Variants in RGS6 observed in about 807,000 individuals in gnomAD.
RGS6 encodes the protein regulator of G-protein signaling 6.
In RGS6, 30 loss-of-function variants were observed where a neutral mutation model predicts 78.5. The observed-to-expected ratio is 0.38, with a 90% CI of 0.29 to 0.52. The LOEUF is 0.52. RGS6 is among the 20% of genes least tolerant of loss of function. The pLI is 0.85. For synonymous variants in RGS6, 206 were observed against 206.0 expected (o/e 1.00, Z 0.00); for missense variants, 495 against 609.7 (o/e 0.81, Z 1.98).
intron 2 of RGS6, among the ~76,000 whole-genome samples, chr14:72,013,124 A>T (rs1260620455): frequency 6.6e-6 from 1 of 151,968 alleles, no homozygotes; most frequent in East Asian, 1.9e-4. Context: ...TACAAAAATT[A>T]GCTGGGTGTG....
intron 2 of RGS6, among the ~76,000 whole-genome samples, chr14:72,205,298 G>C (rs1166821623): frequency 6.6e-6 from 1 of 152,066 alleles, no homozygotes; most frequent in South Asian, 2.1e-4. Context: ...CACATTCCCA[G>C]TATCACTTTA....
At position 72,178,916 on chromosome 14, in the gene RGS6, C is replaced by A. The variant is rs577914655; in HGVS notation, c.85-173179C>A. ...CCAGAAAGAACTGATGTTATCTGAT[C>A]TTGGGGAAAGTCCCCGCCTTGGGTT... On this transcript the variant is annotated intron_variant, in intron 2 of 17. Transcript: ENST00000553525. Among the ~76,000 whole-genome samples the A allele has an allele frequency of 2.3e-4, 35 of 152,342 alleles. No individual in the cohort carries two copies. The South Asian group carries it at 7.0e-3, about 31-fold the overall frequency.
At chr14:72,313,432 G>A (rs1009599779) in intron 2 of RGS6, among the ~76,000 whole-genome samples, 1 of 152,224 alleles carries the variant, frequency 6.6e-6, no homozygotes. Flanking sequence ...ACTCAGTAGA[G>A]ACCGCTTGCT....
At chr14:72,249,984 G>T (rs189342554) in intron 2 of RGS6, among the ~76,000 whole-genome samples, 1 of 149,840 alleles carries the variant, frequency 6.7e-6, no homozygotes, top group Non-Finnish European at 1.5e-5. Context: ...GTAAGCTGTC[G>T]CAAGAACAAA....
intron 2 of RGS6, among the ~76,000 whole-genome samples, chr14:72,337,543 C>T (rs2076264126): frequency 6.6e-6 from 1 of 152,042 alleles, no homozygotes; most frequent in South Asian, 2.1e-4. Context: ...CATCCCCATC[C>T]AAACATGAGC....
intron 2 of RGS6, among the ~76,000 whole-genome samples, chr14:72,005,975 T>G (rs111301797): frequency 0.039 from 5,918 of 152,208 alleles, 147 homozygotes; most frequent in Non-Finnish European, 0.059. Context: ...TAAATAGTAA[T>G]GTGTCCTCCA....
the RGS6 span, among the ~76,000 whole-genome samples, chr14:72,593,505 C>T: frequency 1.3e-5 from 2 of 152,170 alleles, no homozygotes; most frequent in Admixed American, 1.3e-4. Context: ...CTGCCTCAGC[C>T]TCCTGAGTAG....
intron 15 of RGS6, among the ~76,000 whole-genome samples, chr14:72,532,588 C>T (rs556552287): frequency 7.9e-5 from 12 of 152,326 alleles, no homozygotes; most frequent in African/African-American, 2.9e-4. Flanking sequence ...GCCTCTTATG[C>T]CAAACAGCCT....
At chr14:72,061,708 T>C (rs540173771) in intron 2 of RGS6, among the ~76,000 whole-genome samples, 1 of 152,346 alleles carries the variant, frequency 6.6e-6, no homozygotes, top group East Asian at 1.9e-4. Flanking sequence ...TTTATTGTTC[T>C]TTTTATATTA....
At chr14:72,021,464 C>CT (rs533727083) in intron 2 of RGS6, among the ~76,000 whole-genome samples, 9,854 of 122,336 alleles carry the variant, frequency 0.081, 648 homozygotes, top group African/African-American at 0.11. Context: ...CTTTTTCTAA[C>CT]TTTTTTTTTT....
At chr14:72,112,001 C>T (rs1398985876) in intron 2 of RGS6, among the ~76,000 whole-genome samples, 1 of 152,160 alleles carries the variant, frequency 6.6e-6, no homozygotes, top group Non-Finnish European at 1.5e-5. Context: ...TGCAATTTGG[C>T]TCTTTGGTTT....
Position 72,514,927 on chromosome 14 carries a change from C to T in RGS6, c.1092-3424C>T, listed in dbSNP as rs894811646. Reference sequence around the variant, plus strand: ...GAGGAGCTGCTGTGGCTCTCTGCAGCGGGGAATGTGGCCTGGGCTCTGAGT... The same window carrying T: ...GAGGAGCTGCTGTGGCTCTCTGCAGTGGGGAATGTGGCCTGGGCTCTGAGT... On this transcript the variant is annotated intron_variant, in intron 14 of 17. Transcript: ENST00000553525. Among the ~76,000 whole-genome samples the T allele has an allele frequency of 5.3e-5, 8 of 152,152 alleles. No homozygotes were observed. The East Asian group carries it at 1.3e-3, about 26-fold the overall frequency.
chr14:72,184,713 G>T (rs1224042747), intron 2 of RGS6, among the ~76,000 whole-genome samples: 2 of 152,084 alleles, frequency 1.3e-5, no homozygotes, highest in African/African-American at 4.8e-5. Context: ...TTGCCTTTCT[G>T]TCACTTGGCA....
At chr14:72,190,974 A>G (rs902345381) in intron 2 of RGS6, among the ~76,000 whole-genome samples, 1 of 152,092 alleles carries the variant, frequency 6.6e-6, no homozygotes, top group African/African-American at 2.4e-5. Flanking sequence ...ATCACTAGCA[A>G]TATGTTTCTT....
chr14:72,438,107 T>A (rs1597503465), intron 3 of RGS6, among the ~76,000 whole-genome samples: 1 of 151,832 alleles, frequency 6.6e-6, no homozygotes, highest in Non-Finnish European at 1.5e-5. Context: ...TGGTGGAGGG[T>A]TCAGCTGTTG....
intron 2 of RGS6, among the ~76,000 whole-genome samples, chr14:72,190,884 C>G (rs950208317): frequency 6.6e-6 from 1 of 152,086 alleles, no homozygotes; most frequent in African/African-American, 2.4e-5. Context: ...TGATTTCTTA[C>G]GATTAGAGAT....
At chr14:72,067,849 A>T (rs185268558) in intron 2 of RGS6, among the ~76,000 whole-genome samples, 3 of 152,288 alleles carry the variant, frequency 2.0e-5, no homozygotes, top group Admixed American at 1.3e-4. Context: ...CACCGTGAGG[A>T]TGGTCTAGAG....
chr14:72,366,052 GA>G (rs1377911329), intron 3 of RGS6, among the ~76,000 whole-genome samples: 1 of 152,140 alleles, frequency 6.6e-6, no homozygotes, highest in Admixed American at 6.6e-5. Flanking sequence ...CCAGGGTCAT[GA>G]CTGGGAACTA....
chr14:72,203,808 C>CCTTT (rs1555541738), intron 2 of RGS6, among the ~76,000 whole-genome samples: 2 of 135,344 alleles, frequency 1.5e-5, no homozygotes, highest in Non-Finnish European at 1.5e-5. Context: ...GCTATTGTAA[C>CCTTT]CTTTCTTTCT....
Sources: allele counts gnomAD v4.1 joint callset (sites outside exome capture counted in the v4.1 genomes callset), GRCh38; gene constraint gnomAD v4.1.1; transcripts MANE v1.5; gene names NCBI Gene and HGNC (gene_info 2026-07-23, HGNC 2026-07-21).